USF3: variants seen among roughly 807,000 people sequenced by gnomAD.
The protein encoded by USF3 is basic helix-loop-helix domain-containing protein USF3.
In USF3, 29 loss-of-function variants were observed where a neutral mutation model predicts 157.5. The ratio of observed to expected loss-of-function variants is 0.18; its 90% CI spans 0.14 to 0.25. The LOEUF (loss-of-function observed/expected upper bound fraction) is 0.25. USF3 is among the 10% of genes least tolerant of loss of function. USF3 has a pLI of 1.00. For missense variants in USF3, 2,381 were observed against 2,667.6 expected, an observed-to-expected ratio of 0.89 and a Z score of 2.37; for synonymous variants, 893 against 941.4, an observed-to-expected ratio of 0.95 and a Z score of 0.94.
At chr3:113,683,464 CTT>C (rs5851905) in intron 1 of USF3, among the ~76,000 whole-genome samples, 2 of 87,108 alleles carry the variant, frequency 2.3e-5, no homozygotes, top group East Asian at 3.7e-4. Flanking sequence ...TTATCCCCTG[CTT>C]TTTTTTTTTT....
In USF3 at chr3:113,673,334, T is replaced by C. The variant is rs746207161; in HGVS notation, c.76+14A>G. 59 of 1,588,688 alleles carry C rather than the reference T, an allele frequency of 3.7e-5. No homozygotes were observed. The highest frequency in any genetic ancestry group is 4.8e-5 in the Non-Finnish European group (56 of 1,160,956). On this transcript the variant is annotated intron_variant, in intron 4 of 6. Transcript: ENST00000316407. ...GCAAAAAATGCTAACAGGTAAAATT[T>C]AAATTGTTTCTACCTGCATTGTGTG...
Position 113,657,381 on chromosome 3 carries a change from G to A in USF3, c.4301C>T (p.Ala1434Val). 6.2e-7 allele frequency: 1 copy of A among 1,614,110 alleles called. No individual in the cohort carries two copies. The highest frequency in any genetic ancestry group is 8.5e-7 in the Non-Finnish European group (1 of 1,180,036). Residue 1434 changes from alanine (A) to valine (V), a missense_variant, in exon 7 of 7, where the codon GCA becomes GTA. By Grantham distance (64) the Ala-to-Val change is moderately conservative. Around this residue, in one of 6 missense-constraint regions of USF3, gnomAD observed 1,435 missense variants for 1,550.9 expected, o/e 0.93. Coordinates refer to ENST00000316407, the MANE Select transcript of USF3 (RefSeq NM_001009899.4). ...PSVAEQQQTQ[A>V]SQHLQALQQH... The stretch of plus-strand genomic sequence containing the variant: ...CTGCAGGGCCTGTAGATGCTGACTT[G>A]CCTGGGTTTGCTGCTGTTCAGCAAC...
chr3:113,690,486 T>G (rs1471445184), intron 1 of USF3, among the ~76,000 whole-genome samples: 2 of 152,206 alleles, frequency 1.3e-5, no homozygotes, highest in Non-Finnish European at 2.9e-5. Context: ...TGACTGTACC[T>G]TCTTCACTGG....
Position 113,659,417 on chromosome 3 carries a change from T to G in USF3, c.2265A>C (p.Thr755=), listed in dbSNP as rs1947435835. The stretch of plus-strand genomic sequence containing the variant: ...CTGTTGTCACAGGAGGTGCTGCAGT[T>G]GTTGTTAATGAAACACAGTTAGCTG... The part of the protein sequence containing the change: ...TTTANCVSLT[T]TAAPPVTTDS... The change falls in exon 7 of 7, where the codon ACA becomes ACC. Residue 755 remains threonine (T), a synonymous_variant. Coordinates refer to ENST00000316407, the MANE Select transcript of USF3 (RefSeq NM_001009899.4). 1 of 1,614,128 alleles carries G rather than the reference T, an allele frequency of 6.2e-7. No individual in the cohort carries two copies. The highest frequency in any genetic ancestry group is 1.1e-5 in the South Asian group (1 of 91,088).
chr3:113,661,497 G>T, intron 6 of USF3, 72 bp from the exon 7 acceptor site: 1 of 852,436 alleles, frequency 1.2e-6, no homozygotes. Flanking sequence ...ATAAAGAACT[G>T]TATACTAAAC....
intron 1 of USF3, among the ~76,000 whole-genome samples, chr3:113,689,062 A>AAACAAACAAAC (rs1209587700): frequency 1.7e-5 from 1 of 60,032 alleles, no homozygotes; most frequent in South Asian, 6.5e-4. Flanking sequence ...AACAAACAAA[A>AAACAAACAAAC]ACCAGATGCT....
At chr3:113,670,426 C>G (rs1707127050) in intron 4 of USF3, among the ~76,000 whole-genome samples, 1 of 152,136 alleles carries the variant, frequency 6.6e-6, no homozygotes, top group Admixed American at 6.5e-5. Flanking sequence ...TGGCAAAACC[C>G]CATCTCTACT....
chr3:113,672,606 A>G (rs1182448648), intron 4 of USF3, among the ~76,000 whole-genome samples: 2 of 152,198 alleles, frequency 1.3e-5, no homozygotes, highest in Non-Finnish European at 2.9e-5. Flanking sequence ...TTTGTAATGC[A>G]TGGAGGTTAA....
chr3:113,657,308 G>A lies in USF3; in HGVS notation c.4374C>T (p.Leu1458=), dbSNP rs371681579. The change falls in exon 7 of 7, where the codon CTC becomes CTT. Residue 1458 remains leucine, a synonymous_variant. Transcript: ENST00000316407. ...GCTGCTGCTGCTGCTGCTTTATGTAGAGATGGTTACTATGAAGGTGAGATA... is the reference window on the plus strand; with the variant it reads ...GCTGCTGCTGCTGCTGCTTTATGTAAAGATGGTTACTATGAAGGTGAGATA... ...QGVSHLHSNH[L]YIKQQQQQQQ... 1 of 1,612,074 alleles carries A rather than the reference G, an allele frequency of 6.2e-7. No homozygotes were observed. The highest frequency in any genetic ancestry group is 8.5e-7 in the Non-Finnish European group (1 of 1,178,842).
chr3:113,655,380 A>C lies in USF3; in HGVS notation c.6302T>G (p.Val2101Gly). ...GGAGGGCAGAGTATTTTGCGGATCT[A>C]CCGGGATGAGGGCTGGAGTTCGAGT... ...SATRTPALIP[V>G]DPQNTLPSFY... Residue 2101 changes from valine to glycine, a missense_variant, in exon 7 of 7, where the codon GTA becomes GGA. Coordinates refer to ENST00000316407, the MANE Select transcript of USF3 (RefSeq NM_001009899.4). 6.2e-7 allele frequency: 1 copy of C among 1,614,094 alleles called. No homozygotes were observed. Among genetic ancestry groups the C allele is most frequent in the Non-Finnish European group, 8.5e-7 (1 of 1,179,996 alleles).
intron 3 of USF3, 75 bp from the exon 4 acceptor site, chr3:113,673,451 A>C: frequency 3.5e-6 from 3 of 849,476 alleles, no homozygotes; most frequent in South Asian, 3.0e-5. Context: ...TACTTTAAGA[A>C]TCACAAAAAT....
chr3:113,662,402 T>C (rs1358719746), intron 6 of USF3, among the ~76,000 whole-genome samples: 1 of 152,158 alleles, frequency 6.6e-6, no homozygotes, highest in Non-Finnish European at 1.5e-5. Context: ...TAGCTGCTGG[T>C]ATATGCTCTG....
intron 1 of USF3, among the ~76,000 whole-genome samples, chr3:113,683,442 T>C (rs1707479939): frequency 6.7e-6 from 1 of 148,506 alleles, no homozygotes; most frequent in African/African-American, 2.4e-5. Context: ...TACAAAACTC[T>C]ACACTTACAT....
intron 3 of USF3, among the ~76,000 whole-genome samples, chr3:113,674,444 G>C (rs1212502907): frequency 6.6e-6 from 1 of 152,060 alleles, no homozygotes; most frequent in Non-Finnish European, 1.5e-5. Context: ...CCAGGTTCAA[G>C]CAATTCTCCT....
intron 1 of USF3, among the ~76,000 whole-genome samples, chr3:113,680,041 G>A (rs1264336524): frequency 7.4e-6 from 1 of 134,376 alleles, no homozygotes; most frequent in African/African-American, 2.7e-5. Flanking sequence ...ACAGATATTG[G>A]CCTGTAGTTT....
intron 5 of USF3, among the ~76,000 whole-genome samples, 193 bp from the exon 6 acceptor site, chr3:113,664,602 C>A (rs1200698904): frequency 1.3e-5 from 2 of 152,118 alleles, no homozygotes; most frequent in Non-Finnish European, 2.9e-5. Context: ...TAATGAGTGG[C>A]AGGCTCTGTT....
intron 1 of USF3, among the ~76,000 whole-genome samples, chr3:113,678,980 TGG>T (rs1347165852): frequency 4.0e-5 from 6 of 150,730 alleles, no homozygotes; most frequent in African/African-American, 7.3e-5. Context: ...GTCTTAGAGA[TGG>T]GATCTCACTA....
intron 3 of USF3, among the ~76,000 whole-genome samples, chr3:113,673,849 C>T (rs1435731808): frequency 2.6e-5 from 4 of 152,144 alleles, no homozygotes; most frequent in Non-Finnish European, 4.4e-5. Flanking sequence ...CAACAGCACC[C>T]GTGTACAGAC....
chr3:113,658,116 G>A lies in USF3; in HGVS notation c.3566C>T (p.Ala1189Val). The A allele has an allele frequency of 6.2e-7, 1 of 1,614,108 alleles. No homozygotes were observed. Among genetic ancestry groups the A allele is most frequent in the Middle Eastern group, 1.6e-4 (1 of 6,062 alleles). The change falls in exon 7 of 7, where the codon GCA (alanine) becomes GTA (valine). Residue 1189 changes from alanine (A) to valine (V), a missense_variant. By Grantham distance (64) the Ala-to-Val change is moderately conservative (BLOSUM62 0). Coordinates refer to ENST00000316407, the MANE Select transcript of USF3 (RefSeq NM_001009899.4). ...QIPKESGTGQ[A>V]EATPNEFNSQ... ...ATTAAATTCATTTGGTGTTGCTTCT[G>A]CCTGTCCTGTGCCACTCTCTTTAGG...
Sources: allele counts gnomAD v4.1 joint callset (sites outside exome capture counted in the v4.1 genomes callset), GRCh38; gene constraint gnomAD v4.1.1; regional missense constraint gnomAD v4.1.1; transcripts MANE v1.5; gene names NCBI Gene and HGNC (gene_info 2026-07-23, HGNC 2026-07-21).